The following CACNA1G variants were observed in gnomAD, a reference collection of about 807,000 sequenced individuals.
CACNA1G encodes voltage-dependent T-type calcium channel subunit alpha-1G.
Under a neutral mutation model 219.4 loss-of-function variants are expected in CACNA1G, and 67 were observed. The ratio of observed to expected loss-of-function variants is 0.31; its 90% CI spans 0.25 to 0.37. The LOEUF is 0.37. CACNA1G is among the 10% of genes least tolerant of loss of function. The pLI, the probability that CACNA1G is intolerant of heterozygous loss-of-function variation, is 1.00. For synonymous variants in CACNA1G, 1,296 were observed against 1,345.3 expected (o/e 0.96, Z 0.80); for missense variants, 2,380 against 3,231.4 (o/e 0.74, Z 6.39).
Position 50,577,281 on chromosome 17 carries a change from G to C in CACNA1G, c.1925-907G>C, listed in dbSNP as rs1352758628. 3.3e-5 allele frequency among the ~76,000 whole-genome samples: 5 copies of C among 152,058 alleles called. No individual in the cohort carries two copies. In the East Asian group the frequency reaches 9.7e-4, roughly 29 times the overall value. ...CCCTCCTGTGTGCAGATGCAGTCAAGGGAGAAATGTCGCTGAGAGCCCACC... is the reference window on the plus strand; with the variant it reads ...CCCTCCTGTGTGCAGATGCAGTCAACGGAGAAATGTCGCTGAGAGCCCACC... On this transcript the variant is annotated intron_variant, in intron 8 of 37. Coordinates refer to ENST00000359106, the MANE Select transcript of CACNA1G (RefSeq NM_018896.5).
intron 1 of CACNA1G, among the ~76,000 whole-genome samples, chr17:50,562,296 G>C (rs910957224): frequency 6.6e-6 from 1 of 152,142 alleles, no homozygotes; most frequent in African/African-American, 2.4e-5. Context: ...GGAGATGTTG[G>C]GGGGCGGGGA....
At chr17:50,586,123 T>C (rs1168142962) in intron 9 of CACNA1G, among the ~76,000 whole-genome samples, 1 of 152,178 alleles carries the variant, frequency 6.6e-6, no homozygotes, top group Non-Finnish European at 1.5e-5. Context: ...ACTGCTGCAG[T>C]ATCCTAATTG....
chr17:50,611,252 TA>T (rs11291581), intron 26 of CACNA1G, among the ~76,000 whole-genome samples: 97,086 of 129,640 alleles, frequency 0.75, 36,420 homozygotes, highest in East Asian at 0.97. Flanking sequence ...AGACTCCATT[TA>T]AAAAAAAAAA....
intron 23 of CACNA1G, 189 bp downstream of exon 23, chr17:50,606,212 G>A: frequency 1.2e-6 from 1 of 834,430 alleles, no homozygotes; most frequent in South Asian, 1.4e-5. Flanking sequence ...CAAAAAGTGG[G>A]CCCATGGGGT....
intron 19 of CACNA1G, among the ~76,000 whole-genome samples, chr17:50,601,702 C>T (rs1354697420): frequency 6.6e-6 from 1 of 152,148 alleles, no homozygotes; most frequent in Non-Finnish European, 1.5e-5. Context: ...ACATACCGCC[C>T]CAGGGTCGAA....
At chr17:50,570,916 T>C (rs1235398663) in intron 4 of CACNA1G, among the ~76,000 whole-genome samples, 1 of 152,002 alleles carries the variant, frequency 6.6e-6, no homozygotes, top group Non-Finnish European at 1.5e-5. Context: ...AGCTGCTGCT[T>C]AGCAGCTTTT....
At chr17:50,601,293 G>T (rs1284248670) in intron 19 of CACNA1G, 119 bp downstream of exon 19, 6 of 1,249,918 alleles carry the variant, frequency 4.8e-6, no homozygotes, top group Non-Finnish European at 5.5e-6. Flanking sequence ...GAACGAGGGG[G>T]CCAGGACTCT....
At chr17:50,615,736 G>A (rs1245274680) in intron 27 of CACNA1G, among the ~76,000 whole-genome samples, 1 of 152,274 alleles carries the variant, frequency 6.6e-6, no homozygotes, top group African/African-American at 2.4e-5. Flanking sequence ...CACACAGAAA[G>A]GGAGTGGAGG....
chr17:50,613,440 A>G (rs1422394796), intron 26 of CACNA1G, among the ~76,000 whole-genome samples: 2 of 151,990 alleles, frequency 1.3e-5, no homozygotes, highest in Non-Finnish European at 2.9e-5. Flanking sequence ...GGCCTCTTGG[A>G]GGAGGGTCCC....
At position 50,607,712 on chromosome 17, in the gene CACNA1G, C is replaced by T. The variant is rs555612737; in HGVS notation, c.4513-115C>T. ...TCAAACCCACACCATTCATTTCCAT[C>T]GCCTGTCAGGCGGCTGTAGCTATTT... is the stretch of plus-strand genomic sequence containing the variant. On this transcript the variant is annotated intron_variant, in intron 24 of 37. Coordinates refer to ENST00000359106, the MANE Select transcript of CACNA1G (RefSeq NM_018896.5). 1.4e-4 allele frequency: 116 copies of T among 809,644 alleles called. 1 individual carries two copies. Among genetic ancestry groups the T allele is most frequent in the African/African-American group, 8.6e-4 (51 of 59,340 alleles). 50.2% of individuals were successfully genotyped at this position (809,644 alleles called of 1,614,324 possible).
In CACNA1G at chr17:50,600,675, C is replaced by T. The variant is rs2046437459; in HGVS notation, c.3691-51C>T. 14 of 1,510,402 alleles carry T rather than the reference C, an allele frequency of 9.3e-6. No homozygotes were observed. Among genetic ancestry groups the T allele is most frequent in the East Asian group, 2.3e-5 (1 of 44,258 alleles). 93.6% of individuals were successfully genotyped at this position (1,510,402 alleles called of 1,614,324 possible). On this transcript the variant is annotated intron_variant, in intron 17 of 37. Coordinates refer to ENST00000359106, the MANE Select transcript of CACNA1G (RefSeq NM_018896.5). This position sits in a 1 kb window ranked among gnomAD's most constrained non-coding sequence, Gnocchi z 4.1. ...GTGACTCTGCTGAGGAGCCAGGAGC[C>T]GGGGAACCTGGAGGCCTGGTCCTGC...
At chr17:50,587,106 C>G (rs568752756) in intron 9 of CACNA1G, among the ~76,000 whole-genome samples, 1 of 152,124 alleles carries the variant, frequency 6.6e-6, no homozygotes, top group Non-Finnish European at 1.5e-5. Flanking sequence ...GTGGCTGGCT[C>G]CAGCCTGATG....
chr17:50,595,182 G>T, intron 14 of CACNA1G, 121 bp downstream of exon 14: 1 of 734,578 alleles, frequency 1.4e-6, no homozygotes, highest in South Asian at 1.7e-5. Flanking sequence ...TCATAGCCGT[G>T]ATGGTCATTG....
intron 8 of CACNA1G, among the ~76,000 whole-genome samples, chr17:50,577,384 C>T (rs2040921684): frequency 6.6e-6 from 1 of 151,054 alleles, no homozygotes; most frequent in Non-Finnish European, 1.5e-5. Flanking sequence ...ATTCTGTGAT[C>T]AAAGCTGGAT....
chr17:50,562,956 G>A (rs144754575), intron 1 of CACNA1G, among the ~76,000 whole-genome samples: 30 of 152,338 alleles, frequency 2.0e-4, no homozygotes, highest in South Asian at 1.0e-3. Context: ...TGGAGGGGAG[G>A]TGTTGCTGCC....
intron 10 of CACNA1G, among the ~76,000 whole-genome samples, 159 bp from the exon 11 acceptor site, chr17:50,591,276 T>G (rs1057327561): frequency 2.0e-5 from 3 of 152,144 alleles, no homozygotes; most frequent in Admixed American, 1.3e-4. Flanking sequence ...CCTCACTATC[T>G]TGGAGGCTCC....
chr17:50,565,933 AC>A (rs2144496876), intron 1 of CACNA1G, among the ~76,000 whole-genome samples: 1 of 151,516 alleles, frequency 6.6e-6, no homozygotes, highest in South Asian at 2.1e-4. Flanking sequence ...CCCCTCTCCT[AC>A]CCCCTCTTTG....
intron 9 of CACNA1G, 45 bp from the exon 10 acceptor site, chr17:50,590,426 G>C: frequency 6.2e-7 from 1 of 1,608,212 alleles, no homozygotes; most frequent in Non-Finnish European, 8.5e-7. Context: ...GGATCGAGGG[G>C]CTCAGTGATA....
rs755756700 is a variant in CACNA1G at position 50,607,017 on chromosome 17, T to C, written c.4512+28T>C. ...AGGGCTGAGGTGGGCAGGATCCATC[T>C]GTGGGCTCAGGTCACTCAGCATGGG... is the stretch of plus-strand genomic sequence containing the variant. On this transcript the variant is annotated intron_variant, in intron 24 of 37. Coordinates refer to ENST00000359106, the MANE Select transcript of CACNA1G (RefSeq NM_018896.5). 8.3e-6 allele frequency: 13 copies of C among 1,562,740 alleles called. No homozygotes were observed. In the African/African-American group the frequency reaches 1.8e-4, roughly 21 times the overall value.
Sources: allele counts gnomAD v4.1 joint callset (sites outside exome capture counted in the v4.1 genomes callset), GRCh38; gene constraint gnomAD v4.1.1; non-coding constraint Gnocchi (gnomAD v3.1); transcripts MANE v1.5; gene names NCBI Gene and HGNC (gene_info 2026-07-23, HGNC 2026-07-21).